CEMIP: variants seen among roughly 807,000 people sequenced by gnomAD.
The protein encoded by CEMIP is cell migration-inducing and hyaluronan-binding protein.
Under a neutral mutation model 156.9 loss-of-function variants are expected in CEMIP, and 105 were observed. The ratio of observed to expected loss-of-function variants is 0.67; its 90% confidence interval spans 0.57 to 0.79. CEMIP has a LOEUF of 0.79. CEMIP is among the 30% of genes least tolerant of loss of function. CEMIP has a pLI of 0.00. For missense variants in CEMIP, 1,457 were observed against 1,769.4 expected (o/e 0.82, Z 3.17); for synonymous variants, 676 against 668.4 (o/e 1.01, Z -0.17).
At chr15:80,875,882 C>G (rs988468786) in intron 3 of CEMIP, among the ~76,000 whole-genome samples, 1 of 152,034 alleles carries the variant, frequency 6.6e-6, no homozygotes, top group African/African-American at 2.4e-5. Context: ...CCATTCAAGG[C>G]CAATCTTGCA....
intron 1 of CEMIP, among the ~76,000 whole-genome samples, chr15:80,863,859 A>G (rs1347476252): frequency 6.6e-6 from 1 of 152,096 alleles, no homozygotes; most frequent in East Asian, 1.9e-4. Context: ...AATCCCCCAG[A>G]AGGGTGGGAG....
At chr15:80,793,895 A>T (rs1042047445) in intron 1 of CEMIP, among the ~76,000 whole-genome samples, 1 of 152,256 alleles carries the variant, frequency 6.6e-6, no homozygotes, top group African/African-American at 2.4e-5. Context: ...GAAACTGGGC[A>T]TCCCCGCCAG....
chr15:80,907,015 C>T (rs1282090544), intron 13 of CEMIP, among the ~76,000 whole-genome samples, 177 bp downstream of exon 13: 3 of 152,014 alleles, frequency 2.0e-5, no homozygotes, highest in Non-Finnish European at 4.4e-5. Context: ...GTGCAGCTCC[C>T]CCCCCACCAA....
At chr15:80,877,402 C>A (rs1898511362) in intron 3 of CEMIP, among the ~76,000 whole-genome samples, 1 of 152,164 alleles carries the variant, frequency 6.6e-6, no homozygotes, top group African/African-American at 2.4e-5. Flanking sequence ...TCATCTGAAA[C>A]CTTGCTCTGC....
At position 80,947,013 on chromosome 15, in the gene CEMIP, A is replaced by G; in HGVS notation, c.3906A>G (p.Pro1302=). 1 of 1,614,114 alleles carries G rather than the reference A, an allele frequency of 6.2e-7. No homozygotes were observed. Among genetic ancestry groups the G allele is most frequent in the Admixed American group, 1.7e-5 (1 of 60,030 alleles). Residue 1302 remains proline, a synonymous_variant, in exon 29 of 30, where the codon CCA becomes CCG. Transcript: ENST00000394685. Reference sequence around the variant, plus strand: ...AGGGAAGATACGTCTCCAGAGGCCCATGGACCAGAGTGCTGGAAAAGCTTG... The same window carrying G: ...AGGGAAGATACGTCTCCAGAGGCCCGTGGACCAGAGTGCTGGAAAAGCTTG... ...ASKGRYVSRG[P]WTRVLEKLGA... is the part of the protein sequence containing the mutation.
chr15:80,892,824 C>T (rs1899075952), intron 10 of CEMIP, among the ~76,000 whole-genome samples: 1 of 152,160 alleles, frequency 6.6e-6, no homozygotes, highest in African/African-American at 2.4e-5. Context: ...TCCTCATGGG[C>T]ATGTTTTGTG....
At chr15:80,910,507 C>A (rs1282834631) in intron 14 of CEMIP, among the ~76,000 whole-genome samples, 1 of 152,246 alleles carries the variant, frequency 6.6e-6, no homozygotes, top group Non-Finnish European at 1.5e-5. Context: ...CTGTGTGACA[C>A]TAGTGTGGTT....
chr15:80,788,390 G>T lies in CEMIP; in HGVS notation c.-176+8776G>T, dbSNP rs201550379. Among the ~76,000 whole-genome samples the T allele has an allele frequency of 2.3e-4, 35 of 149,260 alleles. No individual in the cohort carries two copies. In the East Asian group the frequency reaches 6.8e-3, roughly 29 times the overall value. ...GGAGGCTGAGGAAGGAGAATTGCTTGAACCCGAGAGGTGGAAGTTGCAGTG... is the reference window on the plus strand; with the variant it reads ...GGAGGCTGAGGAAGGAGAATTGCTTTAACCCGAGAGGTGGAAGTTGCAGTG... On this transcript the variant is annotated intron_variant, in intron 1 of 29. Coordinates refer to ENST00000394685, the MANE Select transcript of CEMIP (RefSeq NM_001293298.2).
chr15:80,916,099 A>G (rs1418704952), intron 14 of CEMIP, among the ~76,000 whole-genome samples: 2 of 152,244 alleles, frequency 1.3e-5, no homozygotes, highest in Non-Finnish European at 2.9e-5. Flanking sequence ...CTTGCTGTAT[A>G]CAGGTTGATG....
intron 14 of CEMIP, among the ~76,000 whole-genome samples, chr15:80,909,990 A>G (rs1899984368): frequency 6.6e-6 from 1 of 152,158 alleles, no homozygotes; most frequent in Admixed American, 6.5e-5. Context: ...TTTTACACTA[A>G]ATTGATAATT....
At chr15:80,805,360 T>C (rs1423006344) in intron 1 of CEMIP, among the ~76,000 whole-genome samples, 2 of 152,294 alleles carry the variant, frequency 1.3e-5, no homozygotes, top group African/African-American at 2.4e-5. Context: ...AAAGCAGACA[T>C]GCAAACAAGC....
chr15:80,918,996 G>C (rs1900373335), intron 14 of CEMIP, among the ~76,000 whole-genome samples: 1 of 152,176 alleles, frequency 6.6e-6, no homozygotes, highest in South Asian at 2.1e-4. Flanking sequence ...TAGGAGGCTT[G>C]TCTAAGATCC....
chr15:80,919,009 G>A (rs535751747), intron 14 of CEMIP, among the ~76,000 whole-genome samples: 6 of 152,254 alleles, frequency 3.9e-5, no homozygotes, highest in East Asian at 1.9e-4. Context: ...TAAGATCCCC[G>A]CGCTGCTTGG....
At chr15:80,851,245 C>T (rs1897708367) in intron 1 of CEMIP, among the ~76,000 whole-genome samples, 1 of 152,206 alleles carries the variant, frequency 6.6e-6, no homozygotes, top group African/African-American at 2.4e-5. Context: ...AGGGAGCAAA[C>T]AAAGGGTGAA....
At chr15:80,901,023 A>C in intron 12 of CEMIP, 1 of 453,148 alleles carries the variant, frequency 2.2e-6, no homozygotes, top group South Asian at 1.6e-5. Context: ...CATCTAAAAA[A>C]AAATTTCAAA....
intron 12 of CEMIP, among the ~76,000 whole-genome samples, chr15:80,900,446 T>C (rs1037494241): frequency 2.0e-5 from 3 of 152,114 alleles, no homozygotes; most frequent in Non-Finnish European, 4.4e-5. Flanking sequence ...GTTTCCGCGT[T>C]AGCCCCACCC....
intron 1 of CEMIP, among the ~76,000 whole-genome samples, chr15:80,811,708 C>G (rs966663976): frequency 8.5e-5 from 13 of 152,178 alleles, no homozygotes; most frequent in Non-Finnish European, 1.9e-4. Flanking sequence ...GTGCTTGCCA[C>G]TAGGCCCGCC....
chr15:80,900,776 C>T, intron 12 of CEMIP: 2 of 346,394 alleles, frequency 5.8e-6, no homozygotes, highest in Non-Finnish European at 1.1e-5. Flanking sequence ...TCCCTGTTGA[C>T]AGGATCAAGG....
chr15:80,826,322 C>G (rs772124022), intron 1 of CEMIP, among the ~76,000 whole-genome samples: 2 of 152,204 alleles, frequency 1.3e-5, no homozygotes, highest in Non-Finnish European at 2.9e-5. Flanking sequence ...CCCCTGCCGC[C>G]TTCCTGGTGC....
Sources: allele counts gnomAD v4.1 joint callset (sites outside exome capture counted in the v4.1 genomes callset), GRCh38; gene constraint gnomAD v4.1.1; transcripts MANE v1.5; gene names NCBI Gene and HGNC (gene_info 2026-07-23, HGNC 2026-07-21).